Variants in SMYD3 observed in about 807,000 individuals in gnomAD.
SMYD3 encodes the protein histone-lysine N-methyltransferase SMYD3.
SMYD3 carries 36 observed loss-of-function variants against 57.7 expected under a neutral mutation model. The observed-to-expected ratio is 0.62, with a 90% CI of 0.48 to 0.82. The LOEUF (loss-of-function observed/expected upper bound fraction) is 0.82, where lower values mean the gene tolerates loss of function less well. Ranked by LOEUF, SMYD3 falls within the 40% of genes least tolerant of loss-of-function variation. SMYD3 has a pLI of 0.00. For missense variants in SMYD3, 515 were observed against 538.8 expected (o/e 0.96, Z 0.44); for synonymous variants, 211 against 195.0 (o/e 1.08, Z -0.68).
At chr1:246,054,203 TA>T (rs1334886378) in intron 5 of SMYD3, among the ~76,000 whole-genome samples, 1 of 152,084 alleles carries the variant, frequency 6.6e-6, no homozygotes, top group Non-Finnish European at 1.5e-5. Flanking sequence ...AAATGGGAAT[TA>T]AAACCACACT....
chr1:245,962,758 G>A (rs1363331627), intron 5 of SMYD3, among the ~76,000 whole-genome samples: 2 of 126,214 alleles, frequency 1.6e-5, no homozygotes, highest in Non-Finnish European at 3.5e-5. Flanking sequence ...AACATCCATA[G>A]AGGAGAAACC....
intron 5 of SMYD3, among the ~76,000 whole-genome samples, chr1:246,046,577 AACAAACCTGCACGTTGTGTGCAGGT>A (rs2059969456): frequency 6.6e-6 from 1 of 151,436 alleles, no homozygotes. Context: ...ATACATATGT[AACAAACCTGCACGTTGTGTGCAGGT>A]ACCTTAGAAC....
At position 246,355,489 on chromosome 1, in the gene SMYD3, A is replaced by G. The variant is rs544427920; in HGVS notation, c.165-395T>C. On this transcript the variant is annotated intron_variant, in intron 1 of 11. Transcript: ENST00000490107. The surrounding 1 kb of genome is among the most constrained non-coding windows in gnomAD (Gnocchi z 5.0). ...GTATCGCCACTGCAGGCTCCCTGAGACTCTGAAAAGATGTGAGCTGCCTGC... is the reference window on the plus strand; with the variant it reads ...GTATCGCCACTGCAGGCTCCCTGAGGCTCTGAAAAGATGTGAGCTGCCTGC... Among the ~76,000 whole-genome samples the G allele has an allele frequency of 6.6e-6, 1 of 152,172 alleles. No individual in the cohort carries two copies. The highest frequency in any genetic ancestry group is 1.9e-4 in the East Asian group (1 of 5,154).
At chr1:246,271,320 AT>A (rs1252134552) in intron 5 of SMYD3, among the ~76,000 whole-genome samples, 3 of 151,856 alleles carry the variant, frequency 2.0e-5, no homozygotes, top group Non-Finnish European at 4.4e-5. Context: ...CAATTTGTTT[AT>A]TTTTTTTCTT....
intron 5 of SMYD3, among the ~76,000 whole-genome samples, chr1:246,056,908 C>T (rs919800037): frequency 2.6e-5 from 4 of 152,160 alleles, no homozygotes; most frequent in Non-Finnish European, 2.9e-5. Flanking sequence ...ATTAAGAACA[C>T]ACACTCCACA....
chr1:245,859,654 G>A (rs1159612775), intron 9 of SMYD3, among the ~76,000 whole-genome samples: 12 of 152,268 alleles, frequency 7.9e-5, no homozygotes, highest in Non-Finnish European at 1.5e-4. Context: ...TAGGCGAGCT[G>A]GAGACCAAGG....
At chr1:246,171,041 G>A (rs978675680) in intron 5 of SMYD3, among the ~76,000 whole-genome samples, 1 of 151,782 alleles carries the variant, frequency 6.6e-6, no homozygotes, top group Non-Finnish European at 1.5e-5. Flanking sequence ...ATCAATTTCT[G>A]AGTATACTTT....
chr1:246,361,441 T>C (rs949717162), intron 1 of SMYD3, among the ~76,000 whole-genome samples: 1 of 152,238 alleles, frequency 6.6e-6, no homozygotes, highest in African/African-American at 2.4e-5. Flanking sequence ...GTCCCACTAC[T>C]GGGTATTCTA....
At chr1:246,201,462 T>C (rs1010494662) in intron 5 of SMYD3, among the ~76,000 whole-genome samples, 3 of 152,224 alleles carry the variant, frequency 2.0e-5, no homozygotes, top group Non-Finnish European at 2.9e-5. Context: ...CCTAAGCAGA[T>C]GGTAATATGC....
At chr1:245,983,667 A>C (rs2058645964) in intron 5 of SMYD3, among the ~76,000 whole-genome samples, 1 of 152,198 alleles carries the variant, frequency 6.6e-6, no homozygotes, top group African/African-American at 2.4e-5. Context: ...TCTGGCTCTA[A>C]ATGATGTGAT....
At chr1:246,014,160 T>A (rs1345573111) in intron 5 of SMYD3, among the ~76,000 whole-genome samples, 1 of 152,118 alleles carries the variant, frequency 6.6e-6, no homozygotes, top group Non-Finnish European at 1.5e-5. Context: ...CCGTCTCTAC[T>A]AAAAATACAA....
chr1:246,417,064 T>C (rs1174222823), intron 1 of SMYD3, among the ~76,000 whole-genome samples: 3 of 152,132 alleles, frequency 2.0e-5, no homozygotes, highest in African/African-American at 7.2e-5. Flanking sequence ...CAACAACCTC[T>C]GTTCACCCTA....
chr1:245,812,467 T>C (rs1461153702), intron 10 of SMYD3, among the ~76,000 whole-genome samples: 1 of 152,066 alleles, frequency 6.6e-6, no homozygotes, highest in Non-Finnish European at 1.5e-5. Context: ...ATTGGTCCTG[T>C]GCTCTACGAG....
chr1:245,749,355 C>A lies in SMYD3; in HGVS notation c.*208G>T. ...ACAATTACCAGATGGCATCCTCAAC[C>A]AAATGTTTTGAATTTATTATAATCG... On this transcript the variant is annotated 3_prime_UTR_variant, in exon 12 of 12. Transcript: ENST00000490107. 1 of 498,270 alleles carries A rather than the reference C, an allele frequency of 2.0e-6. No individual in the cohort carries two copies. Among genetic ancestry groups the A allele is most frequent in the Admixed American group, 3.8e-5 (1 of 26,492 alleles). 30.9% of individuals were successfully genotyped at this position (498,270 alleles called of 1,614,324 possible). A position where few individuals can be genotyped will look rare whatever the true frequency, so the allele number is the denominator to read the frequency against.
At chr1:245,786,654 C>G (rs1463797329) in intron 10 of SMYD3, among the ~76,000 whole-genome samples, 1 of 151,674 alleles carries the variant, frequency 6.6e-6, no homozygotes, top group African/African-American at 2.4e-5. Flanking sequence ...GGCAGCCCAG[C>G]ATCACCCGTC....
At chr1:246,346,468 G>C (rs2065720759) in intron 2 of SMYD3, among the ~76,000 whole-genome samples, 1 of 29,156 alleles carries the variant, frequency 3.4e-5, no homozygotes. Flanking sequence ...CTCAATACTG[G>C]GTAATTTATA....
intron 5 of SMYD3, among the ~76,000 whole-genome samples, chr1:245,932,239 CG>C (rs2056765182): frequency 6.6e-6 from 1 of 152,070 alleles, no homozygotes; most frequent in African/African-American, 2.4e-5. Flanking sequence ...AGCAAATTAA[CG>C]GTTTTTTCAA....
At chr1:245,800,326 C>T (rs574884117) in intron 10 of SMYD3, among the ~76,000 whole-genome samples, 5 of 152,206 alleles carry the variant, frequency 3.3e-5, no homozygotes, top group African/African-American at 9.6e-5. Flanking sequence ...TCCTTCCTAG[C>T]TCTTCATGCA....
chr1:245,948,381 C>T (rs2057498194), intron 5 of SMYD3, among the ~76,000 whole-genome samples: 1 of 152,114 alleles, frequency 6.6e-6, no homozygotes, highest in African/African-American at 2.4e-5. Flanking sequence ...TGGCTGGGAC[C>T]CTGAAGAGGC....
Sources: allele counts gnomAD v4.1 joint callset (sites outside exome capture counted in the v4.1 genomes callset), GRCh38; gene constraint gnomAD v4.1.1; non-coding constraint Gnocchi (gnomAD v3.1); transcripts MANE v1.5; gene names NCBI Gene and HGNC (gene_info 2026-07-23, HGNC 2026-07-21).